Variants in ABCG1 observed in about 807,000 individuals in gnomAD.
The protein encoded by ABCG1 is ATP-binding cassette sub-family G member 1.
ABCG1 carries 29 observed loss-of-function variants against 69.2 expected under a neutral mutation model. That is an observed-to-expected ratio of 0.42 (90% CI 0.31 to 0.57). The LOEUF (loss-of-function observed/expected upper bound fraction) is 0.57, where lower values mean the gene tolerates loss of function less well. ABCG1 is among the 20% of genes least tolerant of loss of function. The probability of loss-of-function intolerance (pLI) is 0.15; values close to 1 mark genes in which losing one functional copy is unlikely to be tolerated. For synonymous variants in ABCG1, 370 were observed against 374.8 expected, an observed-to-expected ratio of 0.99 and a Z score of 0.15; for missense variants, 718 against 898.1, an observed-to-expected ratio of 0.80 and a Z score of 2.56.
chr21:42,256,643 G>C (rs1329236825), intron 2 of ABCG1: 2 of 1,476,308 alleles, frequency 1.4e-6, no homozygotes, highest in Non-Finnish European at 9.1e-7. Context: ...CTGGGGACAG[G>C]GTTCCCACCA....
At chr21:42,257,515 C>T (rs1218483200) in intron 2 of ABCG1, among the ~76,000 whole-genome samples, 3 of 152,204 alleles carry the variant, frequency 2.0e-5, no homozygotes, top group African/African-American at 7.2e-5. Context: ...CCACCTGAAG[C>T]GTTCTTGTCC....
At chr21:42,247,402 A>G (rs1161775932) in intron 2 of ABCG1, among the ~76,000 whole-genome samples, 1 of 152,240 alleles carries the variant, frequency 6.6e-6, no homozygotes, top group African/African-American at 2.4e-5. Flanking sequence ...CTCTGGAGAA[A>G]TCACAGCCTT....
chr21:42,288,043 G>A lies in ABCG1; in HGVS notation c.1122+6G>A, dbSNP rs372567201. The A allele has an allele frequency of 1.9e-6, 3 of 1,608,314 alleles. No homozygotes were observed. The highest frequency in any genetic ancestry group is 2.7e-5 in the African/African-American group (2 of 74,726). On this transcript the variant is annotated splice_donor_region_variant and intron_variant, in intron 9 of 14. Transcript: ENST00000398449. This position sits in a 1 kb window ranked among gnomAD's most constrained non-coding sequence, Gnocchi z 4.8. The stretch of plus-strand genomic sequence containing the variant: ...GGCACCGGCCCTCTGAAGAGGTAAA[G>A]CAGACAAAACGATTAAAGGGGTTGA...
intron 2 of ABCG1, among the ~76,000 whole-genome samples, chr21:42,269,775 C>T (rs1213763224): frequency 6.6e-6 from 1 of 152,214 alleles, no homozygotes; most frequent in Non-Finnish European, 1.5e-5. Flanking sequence ...GGAGCAAACT[C>T]CCCTGGGCCA....
At chr21:42,214,999 G>A (rs536452424), upstream of ABCG1, among the ~76,000 whole-genome samples, 4 of 152,352 alleles carry the variant, frequency 2.6e-5, no homozygotes, top group South Asian at 8.3e-4. Flanking sequence ...CGGCCACACA[G>A]TGAAGCACAA....
Position 42,296,507 on chromosome 21 carries a change from C to A in ABCG1, c.*115C>A. On this transcript the variant is annotated 3_prime_UTR_variant, in exon 15 of 15. Transcript: ENST00000398449. The surrounding 1 kb of genome is among the most constrained non-coding windows in gnomAD (Gnocchi z 5.4). ...ACACAGAGACTCTTCTGATCCAACCCCTAGAACCGCGTTGGGTTTGTGGGT... is the reference window on the plus strand; with the variant it reads ...ACACAGAGACTCTTCTGATCCAACCACTAGAACCGCGTTGGGTTTGTGGGT... The A allele has an allele frequency of 1.1e-6, 1 of 935,498 alleles. No individual in the cohort carries two copies. Among genetic ancestry groups the A allele is most frequent in the Non-Finnish European group, 1.6e-6 (1 of 613,688 alleles). 57.9% of individuals were successfully genotyped at this position (935,498 alleles called of 1,614,324 possible).
In ABCG1 at chr21:42,281,975, A is replaced by C. The variant is rs117385940; in HGVS notation, c.589-299A>C. 8.0e-3 allele frequency among the ~76,000 whole-genome samples: 1,214 copies of C among 152,362 alleles called. 11 individuals carry two copies. Among genetic ancestry groups the C allele is most frequent in the Middle Eastern group, 0.017 (5 of 294 alleles). ...GTGCCCTGGGCACCTGCCAGAGGCC[A>C]TATGACTGATGAGGATGCAGGCCCT... is the stretch of plus-strand genomic sequence containing the variant. On this transcript the variant is annotated intron_variant, in intron 5 of 14. Transcript: ENST00000398449.
chr21:42,204,886 A>G (rs1324051526), intron 2 of ABCG1, among the ~76,000 whole-genome samples: 1 of 150,378 alleles, frequency 6.6e-6, no homozygotes, highest in Non-Finnish European at 1.5e-5. Context: ...AAATAAAATG[A>G]ATTGAGAAGT....
Position 42,296,312 on chromosome 21 carries a change from A to G in ABCG1, c.1921A>G (p.Ile641Val), listed in dbSNP as rs772187257. 6.2e-7 allele frequency: 1 copy of G among 1,614,144 alleles called. No individual in the cohort carries two copies. Among genetic ancestry groups the G allele is most frequent in the East Asian group, 2.2e-5 (1 of 44,880 alleles). Residue 641 changes from isoleucine to valine, a missense_variant, in exon 15 of 15, where the codon ATC (isoleucine) becomes GTC (valine). Transcript: ENST00000398449. The surrounding 1 kb of genome is among the most constrained non-coding windows in gnomAD (Gnocchi z 5.4). Reference sequence around the variant, plus strand: ...AAATGCCAAGCTGTACCTGGACTTCATCGTACTCGGGATTTTCTTCATCTC... The same window carrying G: ...AAATGCCAAGCTGTACCTGGACTTCGTCGTACTCGGGATTTTCTTCATCTC... ...VENAKLYLDF[I>V]VLGIFFISLR...
chr21:42,224,557 T>G (rs1456211271), intron 1 of ABCG1, among the ~76,000 whole-genome samples: 1 of 152,236 alleles, frequency 6.6e-6, no homozygotes, highest in Non-Finnish European at 1.5e-5. Flanking sequence ...AGAGTTTCAC[T>G]TGGCACCTTT....
chr21:42,212,915 G>C (rs558662109), upstream of ABCG1, among the ~76,000 whole-genome samples: 21 of 152,164 alleles, frequency 1.4e-4, no homozygotes, highest in South Asian at 8.3e-4. Flanking sequence ...GGATGGTCTC[G>C]ATCTCCTGAC....
At chr21:42,221,296 A>G (rs1290978408) in intron 1 of ABCG1, 1 of 152,188 alleles carries the variant, frequency 6.6e-6, no homozygotes, top group African/African-American at 2.4e-5. Context: ...TTAAAAGAAA[A>G]ATAAATTAAA....
chr21:42,221,008 G>C (rs1466182445), intron 1 of ABCG1, among the ~76,000 whole-genome samples: 3 of 152,122 alleles, frequency 2.0e-5, no homozygotes, highest in Admixed American at 6.5e-5. Flanking sequence ...TTTAAAAAAT[G>C]TTATATTATC....
chr21:42,241,620 CA>C (rs11330762), intron 2 of ABCG1, among the ~76,000 whole-genome samples: 76,865 of 144,334 alleles, frequency 0.53, 21,425 homozygotes, highest in African/African-American at 0.75. Context: ...AAAAAAATAA[CA>C]AAAAAAAAAC....
chr21:42,250,526 G>A (rs1041528923), intron 2 of ABCG1, among the ~76,000 whole-genome samples: 5 of 152,212 alleles, frequency 3.3e-5, no homozygotes, highest in African/African-American at 1.2e-4. Flanking sequence ...TTGGAAGAGA[G>A]CCCTGAAAAC....
chr21:42,240,901 G>C (rs893914371), intron 2 of ABCG1, among the ~76,000 whole-genome samples: 1 of 152,268 alleles, frequency 6.6e-6, no homozygotes, highest in Non-Finnish European at 1.5e-5. Flanking sequence ...AGCGTGACCA[G>C]CACGGGCCAC....
intron 2 of ABCG1, among the ~76,000 whole-genome samples, chr21:42,267,860 C>T (rs2068541667): frequency 6.7e-6 from 1 of 148,170 alleles, no homozygotes; most frequent in South Asian, 2.2e-4. Context: ...TGGGTCTGAT[C>T]TGGGTCTGGT....
chr21:42,270,453 A>C (rs2068595852), intron 2 of ABCG1, among the ~76,000 whole-genome samples: 2 of 152,106 alleles, frequency 1.3e-5, no homozygotes, highest in African/African-American at 4.8e-5. Context: ...ATTCCAAAGC[A>C]GTTTGGTGTG....
chr21:42,229,812 G>C (rs1036277290), intron 2 of ABCG1, among the ~76,000 whole-genome samples: 1 of 152,194 alleles, frequency 6.6e-6, no homozygotes, highest in Non-Finnish European at 1.5e-5. Flanking sequence ...CTCGGGCGCA[G>C]AGCTGATTCA....
Sources: gnomAD v4.1 joint callset for allele counts (sites outside exome capture counted in the v4.1 genomes callset) on GRCh38, gnomAD v4.1.1 for gene constraint, Gnocchi (gnomAD v3.1) non-coding constraint, MANE v1.5 for transcripts, NCBI Gene and HGNC (gene_info 2026-07-23, HGNC 2026-07-21) for gene names.